Variants in KATNIP observed in about 807,000 individuals in gnomAD.
KATNIP encodes katanin interacting protein.
Under a neutral mutation model 174.0 loss-of-function variants are expected in KATNIP, and 126 were observed. The ratio of observed to expected loss-of-function variants is 0.72; its 90% CI spans 0.63 to 0.84. The LOEUF (loss-of-function observed/expected upper bound fraction) is 0.84, where lower values mean the gene tolerates loss of function less well. KATNIP is among the 40% of genes least tolerant of loss of function. The pLI is 0.00. For synonymous variants in KATNIP, 810 were observed against 835.7 expected (o/e 0.97, Z 0.53); for missense variants, 1,958 against 2,109.7 (o/e 0.93, Z 1.41).
chr16:27,637,998 G>A lies in KATNIP; in HGVS notation c.408+6836G>A, dbSNP rs1162463375. On this transcript the variant is annotated intron_variant, in intron 5 of 27. Coordinates refer to ENST00000261588, the MANE Select transcript of KATNIP (RefSeq NM_015202.5). The surrounding 1 kb of genome is among the most constrained non-coding windows in gnomAD (Gnocchi z 4.7). ...CCTGTCCCTGAGCTGCCGCCAACTC[G>A]TAGCTTCAGTGTTCCCCTGATCCAT... Among the ~76,000 whole-genome samples the A allele has an allele frequency of 1.3e-5, 2 of 152,164 alleles. No homozygotes were observed. The highest frequency in any genetic ancestry group is 2.9e-5 in the Non-Finnish European group (2 of 68,036).
intron 18 of KATNIP, chr16:27,757,542 C>T: frequency 1.0e-6 from 1 of 985,008 alleles, no homozygotes; most frequent in Non-Finnish European, 1.2e-6. Context: ...TGACCTTTCA[C>T]AGAGATGTTA....
chr16:27,627,175 C>T (rs555658223), intron 3 of KATNIP, among the ~76,000 whole-genome samples: 1 of 152,206 alleles, frequency 6.6e-6, no homozygotes, highest in African/African-American at 2.4e-5. Flanking sequence ...CCGATACACA[C>T]GTTCCCAGCT....
intron 18 of KATNIP, among the ~76,000 whole-genome samples, chr16:27,758,238 C>T (rs1236336914): frequency 6.6e-6 from 1 of 152,194 alleles, no homozygotes; most frequent in Non-Finnish European, 1.5e-5. Flanking sequence ...ACATCCTCCT[C>T]CACCTGTGGC....
chr16:27,585,615 G>T (rs1424546688), intron 2 of KATNIP, among the ~76,000 whole-genome samples: 1 of 152,184 alleles, frequency 6.6e-6, no homozygotes, highest in Non-Finnish European at 1.5e-5. Context: ...CCTGTCATTT[G>T]CAACAACATG....
intron 5 of KATNIP, among the ~76,000 whole-genome samples, chr16:27,640,389 TG>T (rs2076756995): frequency 6.6e-6 from 1 of 152,124 alleles, no homozygotes; most frequent in South Asian, 2.1e-4. Context: ...ATGCACGGCC[TG>T]GGGGGCTGGG....
At chr16:27,707,853 T>C (rs1387936391) in intron 12 of KATNIP, among the ~76,000 whole-genome samples, 2 of 152,230 alleles carry the variant, frequency 1.3e-5, no homozygotes, top group African/African-American at 4.8e-5. Flanking sequence ...TGTCCAACTT[T>C]CCTCTTATAA....
intron 14 of KATNIP, among the ~76,000 whole-genome samples, chr16:27,736,186 A>C (rs2080888403): frequency 6.6e-6 from 1 of 152,066 alleles, no homozygotes; most frequent in African/African-American, 2.4e-5. Flanking sequence ...TATTTTTAGT[A>C]GAGACGGGGT....
intron 1 of KATNIP, among the ~76,000 whole-genome samples, chr16:27,572,941 A>G (rs1056443594): frequency 2.0e-5 from 3 of 152,080 alleles, no homozygotes; most frequent in Non-Finnish European, 4.4e-5. Flanking sequence ...CAAAAGCATC[A>G]TCCCTTGAGC....
chr16:27,761,314 A>G, intron 18 of KATNIP, 99 bp from the exon 19 acceptor site: 4 of 1,283,932 alleles, frequency 3.1e-6, no homozygotes, highest in Non-Finnish European at 4.2e-6. Context: ...TGAAGTTGCT[A>G]GAATATAGAG....
intron 6 of KATNIP, among the ~76,000 whole-genome samples, chr16:27,656,689 A>T (rs2077299919): frequency 1.3e-5 from 2 of 149,224 alleles, no homozygotes; most frequent in Non-Finnish European, 3.0e-5. Context: ...TATCGCAAGA[A>T]CAAAAAACCA....
chr16:27,741,989 C>T (rs1350660953), intron 15 of KATNIP, among the ~76,000 whole-genome samples: 1 of 149,412 alleles, frequency 6.7e-6, no homozygotes, highest in Non-Finnish European at 1.5e-5. Flanking sequence ...TATTTTTTGA[C>T]TTTGGCAACT....
chr16:27,713,860 A>ATCTATCTC (rs2079800141), intron 13 of KATNIP, among the ~76,000 whole-genome samples: 1 of 85,548 alleles, frequency 1.2e-5, no homozygotes, highest in Non-Finnish European at 2.3e-5. Flanking sequence ...ATATATATCT[A>ATCTATCTC]TCTCAGATTG....
chr16:27,757,744 A>T (rs1055274179), intron 18 of KATNIP, among the ~76,000 whole-genome samples: 1 of 152,184 alleles, frequency 6.6e-6, no homozygotes, highest in Non-Finnish European at 1.5e-5. Context: ...TCCTCACCGT[A>T]TTCAAAATCC....
Position 27,626,829 on chromosome 16 carries a change from A to C in KATNIP, c.141-1832A>C, listed in dbSNP as rs532469696. On this transcript the variant is annotated intron_variant, in intron 3 of 27. Coordinates refer to ENST00000261588, the MANE Select transcript of KATNIP (RefSeq NM_015202.5). Reference sequence around the variant, plus strand: ...AAAAATTAGCTAGGTGTGGTGGCACATGCCTGTAGTCCAAGCTACCTGGGA... The same window carrying C: ...AAAAATTAGCTAGGTGTGGTGGCACCTGCCTGTAGTCCAAGCTACCTGGGA... Among the ~76,000 whole-genome samples, 184 of 152,158 alleles carry C rather than the reference A, an allele frequency of 1.2e-3. 1 individual carries two copies. Among genetic ancestry groups the C allele is most frequent in the Non-Finnish European group, 2.1e-3 (140 of 67,992 alleles).
chr16:27,775,908 C>T (rs1218260256), intron 24 of KATNIP, among the ~76,000 whole-genome samples: 1 of 152,190 alleles, frequency 6.6e-6, no homozygotes, highest in Non-Finnish European at 1.5e-5. Flanking sequence ...AATTAGACCC[C>T]CCCTATTGAG....
intron 14 of KATNIP, among the ~76,000 whole-genome samples, chr16:27,731,908 A>T (rs892323209): frequency 6.6e-6 from 1 of 152,170 alleles, no homozygotes; most frequent in Non-Finnish European, 1.5e-5. Flanking sequence ...GGCATGAGTT[A>T]CTGCGCCTGG....
At chr16:27,674,093 G>A (rs1201661930) in intron 6 of KATNIP, among the ~76,000 whole-genome samples, 3 of 152,198 alleles carry the variant, frequency 2.0e-5, no homozygotes, top group East Asian at 1.9e-4. Flanking sequence ...CGAGGCTGCA[G>A]TGAGCTGTGA....
intron 18 of KATNIP, among the ~76,000 whole-genome samples, chr16:27,758,284 T>C (rs749522725): frequency 1.9e-4 from 29 of 152,200 alleles, no homozygotes; most frequent in Non-Finnish European, 2.8e-4. Context: ...AGTTCCTCTG[T>C]CACCTAGGTC....
At chr16:27,563,181 A>G (rs962312681) in intron 1 of KATNIP, among the ~76,000 whole-genome samples, 6 of 152,206 alleles carry the variant, frequency 3.9e-5, no homozygotes, top group African/African-American at 1.4e-4. Flanking sequence ...AGTAAGTGCC[A>G]TGCAGAAGGT....
Sources: gnomAD v4.1 joint callset for allele counts (sites outside exome capture counted in the v4.1 genomes callset) on GRCh38, gnomAD v4.1.1 for gene constraint, Gnocchi (gnomAD v3.1) non-coding constraint, MANE v1.5 for transcripts, NCBI Gene and HGNC (gene_info 2026-07-23, HGNC 2026-07-21) for gene names.